Variants in CIMAP2 observed in about 807,000 individuals in gnomAD.
CIMAP2 encodes ciliary microtubule associated protein 2, also known as ciliary microtubule-associated protein 2.
chr1:54,812,571 A>G, the CIMAP2 span, among the ~76,000 whole-genome samples: 1 of 152,254 alleles, frequency 6.6e-6, no homozygotes, highest in Non-Finnish European at 1.5e-5. Context: ...AACAGCAGGC[A>G]TTATAGACCA....
At chr1:54,841,862 C>A in the CIMAP2 span, 1 of 1,552,116 alleles carries the variant, frequency 6.4e-7, no homozygotes, top group Non-Finnish European at 8.7e-7. Context: ...CAATTCAGAT[C>A]CTACTCCTTA....
At chr1:54,806,067 G>C in the CIMAP2 span, 85 of 1,470,374 alleles carry the variant, frequency 5.8e-5, no homozygotes, top group Non-Finnish European at 7.6e-5. Flanking sequence ...CGCATCACAA[G>C]GCCCGGGTTG....
At chr1:54,828,801 G>A in the CIMAP2 span, among the ~76,000 whole-genome samples, 3 of 152,294 alleles carry the variant, frequency 2.0e-5, no homozygotes, top group African/African-American at 7.2e-5. Flanking sequence ...ATTAATGGAT[G>A]TTAAAGAATG....
chr1:54,839,819 T>C, the CIMAP2 span, among the ~76,000 whole-genome samples: 1 of 152,174 alleles, frequency 6.6e-6, no homozygotes, highest in Non-Finnish European at 1.5e-5. Context: ...GGCATGAACA[T>C]GGCTTATGGC....
the CIMAP2 span, chr1:54,816,955 T>C: frequency 1.2e-6 from 2 of 1,613,282 alleles, no homozygotes; most frequent in South Asian, 2.2e-5. Context: ...CAAGCCAGGC[T>C]TGCTAATGTC....
chr1:54,836,900 T>G, the CIMAP2 span, among the ~76,000 whole-genome samples: 466 of 151,554 alleles, frequency 3.1e-3, 4 homozygotes, highest in Non-Finnish European at 5.1e-3. Flanking sequence ...GATGGAGGAG[T>G]CTGGTCTCTG....
chr1:54,824,128 C>A, the CIMAP2 span, among the ~76,000 whole-genome samples: 1 of 152,082 alleles, frequency 6.6e-6, no homozygotes, highest in Non-Finnish European at 1.5e-5. Flanking sequence ...CTCAAGCAAT[C>A]CTCCCACCTC....
chr1:54,842,060 G>A, the CIMAP2 span: 7 of 608,368 alleles, frequency 1.2e-5, no homozygotes, highest in Non-Finnish European at 1.7e-5. Flanking sequence ...AGTGTCTTCC[G>A]GGACAGCTGG....
the CIMAP2 span, among the ~76,000 whole-genome samples, chr1:54,822,263 G>C: frequency 6.6e-6 from 1 of 152,130 alleles, no homozygotes; most frequent in African/African-American, 2.4e-5. Context: ...TAGGAGTGCT[G>C]ATAGTGGGCA....
the CIMAP2 span, among the ~76,000 whole-genome samples, chr1:54,831,515 TG>T: frequency 6.6e-6 from 1 of 152,096 alleles, no homozygotes; most frequent in Non-Finnish European, 1.5e-5. Context: ...TAGCCAGGTG[TG>T]GTGGCACACA....
chr1:54,813,924 C>A, the CIMAP2 span: 2 of 1,613,408 alleles, frequency 1.2e-6, no homozygotes, highest in Non-Finnish European at 1.7e-6. Flanking sequence ...ACCCGAAAAC[C>A]CCTACAGAGA....
chr1:54,822,048 A>G, the CIMAP2 span, among the ~76,000 whole-genome samples: 616 of 137,494 alleles, frequency 4.5e-3, 68 homozygotes, highest in African/African-American at 0.016. Flanking sequence ...ACAGGCGCCC[A>G]CCACTACGCC....
chr1:54,841,566 GTGCTTTAATGAGCTGAACTGAGTGTGAAT>G, the CIMAP2 span: 1 of 1,612,108 alleles, frequency 6.2e-7, no homozygotes, highest in African/African-American at 1.3e-5. Context: ...GCCAAGTTGG[GTGCTTTAATGAGCTGAACTGAGTGTGAAT>G]TGCTGTAATC....
chr1:54,828,782 G>T, the CIMAP2 span, among the ~76,000 whole-genome samples: 1 of 152,034 alleles, frequency 6.6e-6, no homozygotes, highest in Non-Finnish European at 1.5e-5. Context: ...AAGAAAAATA[G>T]AAATCTTTAT....
the CIMAP2 span, among the ~76,000 whole-genome samples, chr1:54,818,101 T>C: frequency 1.3e-4 from 20 of 152,244 alleles, no homozygotes; most frequent in Admixed American, 2.0e-4. Context: ...TCTGGTTTTC[T>C]GTGCTGTGTA....
chr1:54,826,977 A>T, the CIMAP2 span, among the ~76,000 whole-genome samples: 1 of 152,200 alleles, frequency 6.6e-6, no homozygotes, highest in East Asian at 1.9e-4. Flanking sequence ...AAATTCCTTT[A>T]TACTTTTAGT....
chr1:54,829,679 ATTTTTTAAG>A, the CIMAP2 span, among the ~76,000 whole-genome samples: 1 of 152,054 alleles, frequency 6.6e-6, no homozygotes, highest in Non-Finnish European at 1.5e-5. Context: ...TTGCATTCAT[ATTTTTTAAG>A]TTTTTTAAGT....
At chr1:54,813,888 T>C in the CIMAP2 span, 2 of 1,613,870 alleles carry the variant, frequency 1.2e-6, no homozygotes, top group East Asian at 4.5e-5. Context: ...ATAAGAAGCA[T>C]GGGGTTTTTT....
chr1:54,816,320 G>T, the CIMAP2 span, among the ~76,000 whole-genome samples: 1 of 152,156 alleles, frequency 6.6e-6, no homozygotes, highest in Admixed American at 6.5e-5. Context: ...CACCCCTCAG[G>T]ACTGCTTCTC....
Sources: gnomAD v4.1 joint callset for allele counts (sites outside exome capture counted in the v4.1 genomes callset) on GRCh38, gnomAD v4.1.1 for gene constraint, MANE v1.5 for transcripts, NCBI Gene and HGNC (gene_info 2026-07-23, HGNC 2026-07-21) for gene names.